Variants in MAGI1 observed in about 807,000 individuals in gnomAD.
MAGI1 encodes the protein membrane associated guanylate kinase, WW and PDZ domain containing 1.
A neutral mutation model predicts 139.9 loss-of-function variants in MAGI1; 58 were observed. The ratio of observed to expected loss-of-function variants is 0.41; its 90% CI spans 0.34 to 0.52. The LOEUF (loss-of-function observed/expected upper bound fraction) is 0.52, where lower values mean the gene tolerates loss of function less well. MAGI1 is among the 20% of genes least tolerant of loss of function. MAGI1 has a pLI of 0.12. For missense variants in MAGI1, 1,874 were observed against 1,901.6 expected (o/e 0.99, Z 0.27); for synonymous variants, 812 against 737.9 (o/e 1.10, Z -1.63).
chr3:65,790,646 G>A (rs1421017941), intron 1 of MAGI1, among the ~76,000 whole-genome samples: 1 of 152,158 alleles, frequency 6.6e-6, no homozygotes, highest in Admixed American at 6.5e-5. Context: ...GGAAAAAAGT[G>A]TCAAGCTCAA....
At chr3:66,015,579 G>A (rs1000537954) in intron 1 of MAGI1, among the ~76,000 whole-genome samples, 7 of 152,158 alleles carry the variant, frequency 4.6e-5, no homozygotes, top group African/African-American at 1.4e-4. Context: ...AGCACTTCCA[G>A]CAAAGGATGG....
chr3:65,580,373 C>T (rs2081362742), intron 2 of MAGI1, among the ~76,000 whole-genome samples: 1 of 150,274 alleles, frequency 6.7e-6, no homozygotes, highest in East Asian at 2.0e-4. Context: ...TTAACCTTCT[C>T]TTCAGTTCTC....
intron 1 of MAGI1, among the ~76,000 whole-genome samples, chr3:65,734,479 A>AAGAGAAAGAAAGAGAGAAAGAGGAAGAG (rs2034507778): frequency 1.4e-5 from 2 of 142,140 alleles, no homozygotes; most frequent in Admixed American, 1.4e-4. Flanking sequence ...AAAAAGAAAG[A>AAGAGAAAGAAAGAGAGAAAGAGGAAGAG]AGAGAAAGAA....
chr3:65,971,264 T>C (rs9865317), intron 1 of MAGI1, among the ~76,000 whole-genome samples: 2,074 of 152,304 alleles, frequency 0.014, 44 homozygotes, highest in African/African-American at 0.048. Context: ...AAAGGTCCAC[T>C]AAGCCTCAGA....
At position 65,743,623 on chromosome 3, in the gene MAGI1, T is replaced by C. The variant is rs192930104; in HGVS notation, c.314-121535A>G. On this transcript the variant is annotated intron_variant, in intron 1 of 22. Transcript: ENST00000402939. Reference sequence around the variant, plus strand: ...TACTCGGGAGGCTGAGGCAGGAGAATTGCTTGAACCTGGGAGGCAGAGGCT... The same window carrying C: ...TACTCGGGAGGCTGAGGCAGGAGAACTGCTTGAACCTGGGAGGCAGAGGCT... Among the ~76,000 whole-genome samples, 391 of 152,186 alleles carry C rather than the reference T, an allele frequency of 2.6e-3. 3 individuals are homozygous for C. Among genetic ancestry groups the C allele is most frequent in the African/African-American group, 9.1e-3 (376 of 41,544 alleles).
intron 1 of MAGI1, among the ~76,000 whole-genome samples, chr3:65,721,839 G>GT (rs142189402): frequency 0.31 from 45,147 of 146,908 alleles, 7,278 homozygotes; most frequent in African/African-American, 0.38. Flanking sequence ...TTTGTTTTTT[G>GT]TTTTTTTTTT....
chr3:65,578,513 T>G (rs1405650366), intron 2 of MAGI1, among the ~76,000 whole-genome samples: 1 of 152,162 alleles, frequency 6.6e-6, no homozygotes, highest in Non-Finnish European at 1.5e-5. Flanking sequence ...ATCTAGCCAA[T>G]CACTAACAAA....
chr3:65,663,228 G>A (rs1019609835), intron 1 of MAGI1, among the ~76,000 whole-genome samples: 2 of 152,204 alleles, frequency 1.3e-5, no homozygotes, highest in African/African-American at 4.8e-5. Flanking sequence ...GTGCTTCTGA[G>A]ACTACCAGGG....
At chr3:65,655,646 T>A (rs2085832967) in intron 1 of MAGI1, among the ~76,000 whole-genome samples, 1 of 152,162 alleles carries the variant, frequency 6.6e-6, no homozygotes, top group Non-Finnish European at 1.5e-5. Flanking sequence ...TTTAATTCAG[T>A]CCTCACCACT....
intron 1 of MAGI1, among the ~76,000 whole-genome samples, chr3:65,645,648 C>G (rs2085217727): frequency 6.6e-6 from 1 of 152,078 alleles, no homozygotes; most frequent in African/African-American, 2.4e-5. Flanking sequence ...TTTCTCTTCT[C>G]CTACTGAGTT....
Position 65,356,832 on chromosome 3 carries a change from G to A in MAGI1, c.3935C>T (p.Ala1312Val). 1 of 1,612,126 alleles carries A rather than the reference G, an allele frequency of 6.2e-7. No individual in the cohort carries two copies. The highest frequency in any genetic ancestry group is 1.1e-5 in the South Asian group (1 of 90,936). Reference sequence around the variant, plus strand: ...CCTCTTGGGGCCGTTGGCGGCTGCCGCGCGCTCGGCCTGCGCGTCCCTCCG... The same window carrying A: ...CCTCTTGGGGCCGTTGGCGGCTGCCACGCGCTCGGCCTGCGCGTCCCTCCG... ...EGRRDAQAERAAAANGPKRRS... is the reference protein window; with the variant it reads ...EGRRDAQAERVAAANGPKRRS... The change falls in exon 23 of 23, where the codon GCG becomes GTG. Residue 1312 changes from alanine (A) to valine (V), a missense_variant. Transcript: ENST00000402939.
In MAGI1 at chr3:65,601,294, G is replaced by C. The variant is rs957168809; in HGVS notation, c.430+20678C>G. 1.7e-4 allele frequency among the ~76,000 whole-genome samples: 26 copies of C among 152,088 alleles called. No individual in the cohort carries two copies. The East Asian group carries it at 3.7e-3, about 21-fold the overall frequency. On this transcript the variant is annotated intron_variant, in intron 2 of 22. Transcript: ENST00000402939. Reference sequence around the variant, plus strand: ...TGTTTTTTTAATAGAAATGTCCTTTGGATAAAATATGAACTCACATAACAC... The same window carrying C: ...TGTTTTTTTAATAGAAATGTCCTTTCGATAAAATATGAACTCACATAACAC...
chr3:65,712,871 T>C (rs1351185868), intron 1 of MAGI1, among the ~76,000 whole-genome samples: 1 of 152,182 alleles, frequency 6.6e-6, no homozygotes, highest in Non-Finnish European at 1.5e-5. Context: ...TAAAACACTT[T>C]CTAGGAATTT....
At chr3:65,792,174 T>C (rs264089) in intron 1 of MAGI1, among the ~76,000 whole-genome samples, 7,567 of 152,186 alleles carry the variant, frequency 0.05, 267 homozygotes, top group Middle Eastern at 0.088. Context: ...CCATTAATAA[T>C]TAATAGCAAG....
In MAGI1 at chr3:65,839,563, A is replaced by G. The variant is rs142338325; in HGVS notation, c.313+198433T>C. On this transcript the variant is annotated intron_variant, in intron 1 of 22. Transcript: ENST00000402939. ...AGTCTTCAACAAATAGTGGCAAAATAAGCTGAGCCTAAGCTCATCTTTAAA... is the reference window on the plus strand; with the variant it reads ...AGTCTTCAACAAATAGTGGCAAAATGAGCTGAGCCTAAGCTCATCTTTAAA... Among the ~76,000 whole-genome samples the G allele has an allele frequency of 2.1e-3, 315 of 152,320 alleles. 2 individuals carry two copies. The highest frequency in any genetic ancestry group is 7.0e-3 in the African/African-American group (290 of 41,580).
chr3:65,990,370 T>C (rs1314874503), intron 1 of MAGI1, among the ~76,000 whole-genome samples: 2 of 152,148 alleles, frequency 1.3e-5, no homozygotes, highest in Non-Finnish European at 2.9e-5. Flanking sequence ...TCAGGCTTGT[T>C]CCCTAACGGA....
chr3:65,658,797 G>A (rs2086028630), intron 1 of MAGI1, among the ~76,000 whole-genome samples: 1 of 152,170 alleles, frequency 6.6e-6, no homozygotes. Flanking sequence ...TCTGTCCAAT[G>A]TCAAAACGAA....
chr3:65,758,302 G>A (rs1033138400), intron 1 of MAGI1, among the ~76,000 whole-genome samples: 4 of 152,088 alleles, frequency 2.6e-5, no homozygotes, highest in Non-Finnish European at 4.4e-5. Flanking sequence ...GAAAGAGAAA[G>A]GTCATTCGTC....
intron 1 of MAGI1, among the ~76,000 whole-genome samples, chr3:65,674,984 T>C (rs186842817): frequency 1.6e-4 from 24 of 152,288 alleles, no homozygotes; most frequent in South Asian, 6.2e-4. Flanking sequence ...GAGGGCTCCA[T>C]TGATATTCCA....
Sources: allele counts gnomAD v4.1 joint callset (sites outside exome capture counted in the v4.1 genomes callset), GRCh38; gene constraint gnomAD v4.1.1; transcripts MANE v1.5; gene names NCBI Gene and HGNC (gene_info 2026-07-23, HGNC 2026-07-21).